The following BRD3 variants were observed in gnomAD, a reference collection of about 807,000 sequenced individuals.
BRD3 encodes bromodomain-containing protein 3.
BRD3 carries 17 observed loss-of-function variants against 66.8 expected under a neutral mutation model. That is an observed-to-expected ratio of 0.25 (90% CI 0.17 to 0.38). BRD3 has a LOEUF of 0.38. Ranked by LOEUF, BRD3 falls within the 10% of genes least tolerant of loss-of-function variation. The pLI is 1.00. For synonymous variants in BRD3, 421 were observed against 393.2 expected, an observed-to-expected ratio of 1.07 and a Z score of -0.84; for missense variants, 713 against 956.1, an observed-to-expected ratio of 0.75 and a Z score of 3.35.
At chr9:134,067,568 C>T (rs1830692315) in intron 1 of BRD3, among the ~76,000 whole-genome samples, 2 of 147,580 alleles carry the variant, frequency 1.4e-5, no homozygotes, top group South Asian at 4.1e-4. Flanking sequence ...AAAATCCCTT[C>T]CGTGAGGGAG....
At position 134,030,351 on chromosome 9, in the gene BRD3, A is replaced by G. The variant is rs1238159430; in HGVS notation, c.*3239T>C. ...GCTTTTTATTATGAAAACAAAACAA[A>G]TGCCCCAGGAGAAGGGTCCATGATT... On this transcript the variant is annotated 3_prime_UTR_variant, in exon 12 of 12. Transcript: ENST00000303407. The G allele has an allele frequency of 6.2e-6, 1 of 162,410 alleles. No individual in the cohort carries two copies. Among genetic ancestry groups the G allele is most frequent in the Non-Finnish European group, 1.3e-5 (1 of 77,224 alleles). The allele number at this position is 162,410 out of a possible 1,614,324, so 10.1% of individuals were successfully genotyped here.
rs975770842 is a variant in BRD3, at chr9:134,045,885, C to T, written c.1087-464G>A. ...CACAAGGAAATGTAATTTTTTCCCT[C>T]GAGGAAGCCAGTAGCTGTTAGCCAG... On this transcript the variant is annotated intron_variant, in intron 6 of 11. Coordinates refer to ENST00000303407, the MANE Select transcript of BRD3 (RefSeq NM_007371.4). The surrounding 1 kb of genome is among the most constrained non-coding windows in gnomAD (Gnocchi z 4.8). Among the ~76,000 whole-genome samples, 3 of 152,144 alleles carry T rather than the reference C, an allele frequency of 2.0e-5. No individual in the cohort carries two copies. The highest frequency in any genetic ancestry group is 2.9e-5 in the Non-Finnish European group (2 of 68,012).
At chr9:134,066,173 A>G (rs1232265532) in intron 1 of BRD3, among the ~76,000 whole-genome samples, 3 of 152,116 alleles carry the variant, frequency 2.0e-5, no homozygotes, top group Non-Finnish European at 4.4e-5. Flanking sequence ...CTGCTCCCAC[A>G]GTCTTTCCAG....
At position 134,045,156 on chromosome 9, in the gene BRD3, G is replaced by T. The variant is rs1293473115; in HGVS notation, c.1215+137C>A. On this transcript the variant is annotated intron_variant, in intron 7 of 11. Coordinates refer to ENST00000303407, the MANE Select transcript of BRD3 (RefSeq NM_007371.4). This position sits in a 1 kb window ranked among gnomAD's most constrained non-coding sequence, Gnocchi z 4.8. Reference sequence around the variant, plus strand: ...TGACAGGGACCTGGTTGGCACTCGGGAAAAAGGTGTTGAGGGAATGAGGCT... The same window carrying T: ...TGACAGGGACCTGGTTGGCACTCGGTAAAAAGGTGTTGAGGGAATGAGGCT... 5 of 1,280,036 alleles carry T rather than the reference G, an allele frequency of 3.9e-6. No homozygotes were observed. Among genetic ancestry groups the T allele is most frequent in the Non-Finnish European group, 5.3e-6 (5 of 948,926 alleles). The allele number at this position is 1,280,036 out of a possible 1,614,324, so 79.3% of individuals were successfully genotyped here.
intron 1 of BRD3, chr9:134,058,010 G>C (rs1335542465): frequency 2.6e-5 from 4 of 152,368 alleles, no homozygotes; most frequent in Non-Finnish European, 5.9e-5. Context: ...CTGCGAGAGG[G>C]AGGCATGGAG....
chr9:134,064,621 G>C (rs1272823475), intron 1 of BRD3, among the ~76,000 whole-genome samples: 1 of 152,152 alleles, frequency 6.6e-6, no homozygotes. Flanking sequence ...AGCACTTCAG[G>C]AGGCAGAGAC....
chr9:134,045,179 G>T lies in BRD3; in HGVS notation c.1215+114C>A. 7.1e-7 allele frequency: 1 copy of T among 1,402,622 alleles called. No homozygotes were observed. The highest frequency in any genetic ancestry group is 9.6e-7 in the Non-Finnish European group (1 of 1,040,002). The allele number at this position is 1,402,622 out of a possible 1,614,324, so 86.9% of individuals were successfully genotyped here. ...GGGAAAAAGGTGTTGAGGGAATGAG[G>T]CTCTCTAAGGCCTTCCTCGGCTGGA... On this transcript the variant is annotated intron_variant, in intron 7 of 11. Transcript: ENST00000303407. The surrounding 1 kb of genome is among the most constrained non-coding windows in gnomAD (Gnocchi z 4.8).
At chr9:134,060,932 T>G (rs1263243947) in intron 1 of BRD3, among the ~76,000 whole-genome samples, 1 of 152,128 alleles carries the variant, frequency 6.6e-6, no homozygotes, top group Non-Finnish European at 1.5e-5. Context: ...AAGCAGAAAT[T>G]CAGCCCCCTT....
chr9:134,033,937 C>T lies in BRD3; in HGVS notation c.2066-232G>A, dbSNP rs904173900. On this transcript the variant is annotated intron_variant, in intron 11 of 11. Transcript: ENST00000303407. The surrounding 1 kb of genome is among the most constrained non-coding windows in gnomAD (Gnocchi z 5.1). Reference sequence around the variant, plus strand: ...GACTACTAACAGGAAATGATGGATGCGAGAAAGGCTGCCCATCAAAAACAT... The same window carrying T: ...GACTACTAACAGGAAATGATGGATGTGAGAAAGGCTGCCCATCAAAAACAT... Among the ~76,000 whole-genome samples the T allele has an allele frequency of 2.6e-5, 4 of 152,152 alleles. No homozygotes were observed. The highest frequency in any genetic ancestry group is 3.9e-4 in the East Asian group (2 of 5,188).
At position 134,050,447 on chromosome 9, in the gene BRD3, G is replaced by C; in HGVS notation, c.641C>G (p.Pro214Arg). 6.2e-7 allele frequency: 1 copy of C among 1,612,482 alleles called. No individual in the cohort carries two copies. The highest frequency in any genetic ancestry group is 8.5e-7 in the Non-Finnish European group (1 of 1,179,694). ...ITANVTSVPV[P>R]PAAAPPPPAT... ...AGGAGGAGGTGGGGCGGCAGCTGGG[G>C]GGACTGGGACCGACGTGACGTTTGC... The change falls in exon 5 of 12, where the codon CCC becomes CGC. Residue 214 changes from proline (P) to arginine (R), a missense_variant. Transcript: ENST00000303407.
intron 6 of BRD3, among the ~76,000 whole-genome samples, chr9:134,047,678 C>T (rs537923376): frequency 2.0e-5 from 3 of 152,278 alleles, no homozygotes; most frequent in Non-Finnish European, 4.4e-5. Context: ...CCCCACTGGC[C>T]GCCTCACTCC....
intron 11 of BRD3, chr9:134,034,414 C>T (rs891348516): frequency 2.6e-6 from 1 of 390,826 alleles, no homozygotes; most frequent in Non-Finnish European, 4.7e-6. Flanking sequence ...CTGCCCAGTC[C>T]AGCCCCACAA....
intron 10 of BRD3, 42 bp from the exon 11 acceptor site, chr9:134,034,871 G>C: frequency 6.2e-7 from 1 of 1,606,712 alleles, no homozygotes; most frequent in Non-Finnish European, 8.5e-7. Context: ...AGAGCAGACC[G>C]ATGGGGCAGG....
At chr9:134,065,539 G>A (rs1234743112) in intron 1 of BRD3, among the ~76,000 whole-genome samples, 1 of 152,042 alleles carries the variant, frequency 6.6e-6, no homozygotes, top group East Asian at 1.9e-4. Context: ...CTGACCAACT[G>A]CGTTAACTGC....
intron 1 of BRD3, among the ~76,000 whole-genome samples, chr9:134,062,226 C>G (rs767489355): frequency 5.9e-5 from 9 of 152,138 alleles, no homozygotes; most frequent in Non-Finnish European, 1.0e-4. Flanking sequence ...TGCTGTGAGC[C>G]CCCCATGCAC....
At chr9:134,046,167 G>A (rs1830160061) in intron 6 of BRD3, among the ~76,000 whole-genome samples, 1 of 152,222 alleles carries the variant, frequency 6.6e-6, no homozygotes, top group Admixed American at 6.5e-5. Flanking sequence ...GGTAAGGAGG[G>A]GCACACAGTC....
chr9:134,043,655 A>C (rs1830108223), intron 7 of BRD3, among the ~76,000 whole-genome samples: 1 of 152,180 alleles, frequency 6.6e-6, no homozygotes, highest in African/African-American at 2.4e-5. Flanking sequence ...CTAACCCCAC[A>C]GCTCAACTGA....
chr9:134,035,268 G>C (rs1188867102), intron 10 of BRD3, among the ~76,000 whole-genome samples: 1 of 152,194 alleles, frequency 6.6e-6, no homozygotes, highest in Non-Finnish European at 1.5e-5. Flanking sequence ...CTCCCTCCAA[G>C]TTGACCCGGT....
At chr9:134,035,480 T>TG (rs990597061) in intron 10 of BRD3, among the ~76,000 whole-genome samples, 43 of 152,140 alleles carry the variant, frequency 2.8e-4, no homozygotes, top group Admixed American at 8.5e-4. Flanking sequence ...ACCCCAGCAG[T>TG]GACTCGTTCC....
Sources: gnomAD v4.1 joint callset for allele counts (sites outside exome capture counted in the v4.1 genomes callset) on GRCh38, gnomAD v4.1.1 for gene constraint, Gnocchi (gnomAD v3.1) non-coding constraint, MANE v1.5 for transcripts, NCBI Gene and HGNC (gene_info 2026-07-23, HGNC 2026-07-21) for gene names.